The following NALCN variants were observed in gnomAD, a reference collection of about 807,000 sequenced individuals.
The protein encoded by NALCN is sodium leak channel NALCN.
A neutral mutation model predicts 225.3 loss-of-function variants in NALCN; 111 were observed. The ratio of observed to expected loss-of-function variants is 0.49; its 90% CI spans 0.42 to 0.58. The LOEUF (loss-of-function observed/expected upper bound fraction) is 0.58. NALCN is among the 20% of genes least tolerant of loss of function. The pLI is 0.00. For missense variants in NALCN, 1,378 were observed against 2,202.4 expected, an observed-to-expected ratio of 0.63 and a Z score of 7.49; for synonymous variants, 764 against 769.0, an observed-to-expected ratio of 0.99 and a Z score of 0.11.
At chr13:101,320,488 T>C (rs564557581) in intron 7 of NALCN, among the ~76,000 whole-genome samples, 17 of 152,218 alleles carry the variant, frequency 1.1e-4, no homozygotes, top group Non-Finnish European at 2.5e-4. Context: ...TGCTCAATAA[T>C]ACTGCAAAGT....
chr13:101,376,889 TCTTAA>T, intron 5 of NALCN, 23 bp downstream of exon 5: 1 of 1,613,902 alleles, frequency 6.2e-7, no homozygotes, highest in Non-Finnish European at 8.5e-7. Flanking sequence ...AAACTTTTCC[TCTTAA>T]CTTATTGTAA....
At chr13:101,272,653 T>C (rs2042835683) in intron 10 of NALCN, among the ~76,000 whole-genome samples, 1 of 152,166 alleles carries the variant, frequency 6.6e-6, no homozygotes, top group African/African-American at 2.4e-5. Context: ...AGATTGAATT[T>C]GGAGAGGACA....
rs2039545226 is a variant in NALCN, at chr13:101,188,600, A to G, written c.1764+3317T>C. ...TATATATACATATATACACACACAT[A>G]TATATACATATATACACACATATAT... On this transcript the variant is annotated intron_variant, in intron 14 of 43. Transcript: ENST00000251127. 2.6e-5 allele frequency among the ~76,000 whole-genome samples: 4 copies of G among 151,146 alleles called. No individual in the cohort carries two copies. In the South Asian group the frequency reaches 8.3e-4, roughly 31 times the overall value.
chr13:101,289,645 G>A (rs2043477923), intron 9 of NALCN, among the ~76,000 whole-genome samples: 1 of 151,892 alleles, frequency 6.6e-6, no homozygotes. Flanking sequence ...CCTTTGATGA[G>A]AATAGCCTAT....
At chr13:101,404,961 T>C (rs1207787174) in intron 1 of NALCN, among the ~76,000 whole-genome samples, 1 of 152,218 alleles carries the variant, frequency 6.6e-6, no homozygotes, top group Non-Finnish European at 1.5e-5. Flanking sequence ...AGAAAGGCAT[T>C]ACCCCATATT....
intron 13 of NALCN, among the ~76,000 whole-genome samples, chr13:101,210,628 C>T (rs2040489399): frequency 6.6e-6 from 1 of 152,088 alleles, no homozygotes; most frequent in African/African-American, 2.4e-5. Flanking sequence ...ACTTTCTATA[C>T]AACACAGAAA....
At chr13:101,284,894 A>G (rs1239127852) in intron 9 of NALCN, among the ~76,000 whole-genome samples, 1 of 152,070 alleles carries the variant, frequency 6.6e-6, no homozygotes, top group East Asian at 1.9e-4. Flanking sequence ...TCCCACTAAC[A>G]TATTTTTCTT....
Position 101,065,886 on chromosome 13 carries a change from C to G in NALCN, c.4447-325G>C, listed in dbSNP as rs651552. Among the ~76,000 whole-genome samples the G allele has an allele frequency of 0.047, 7,148 of 152,178 alleles. 529 individuals are homozygous for G. Among genetic ancestry groups the G allele is most frequent in the African/African-American group, 0.16 (6,644 of 41,466 alleles). On this transcript the variant is annotated intron_variant, in intron 39 of 43. Transcript: ENST00000251127. ...TCTCACCAGGCTGATGCTTGCATAG[C>G]CTGTCCCACAGACGCCACCTCCAAC... is the stretch of plus-strand genomic sequence containing the variant.
intron 13 of NALCN, among the ~76,000 whole-genome samples, chr13:101,207,309 GAC>G (rs2040351226): frequency 6.6e-6 from 1 of 152,084 alleles, no homozygotes; most frequent in South Asian, 2.1e-4. Context: ...TTGTCCATTT[GAC>G]ATTTTCTTAC....
rs774374966 is a variant in NALCN at position 101,111,190 on chromosome 13, A to G, written c.2229T>C (p.Phe743=). 2.2e-5 allele frequency: 35 copies of G among 1,608,210 alleles called. No individual in the cohort carries two copies. Among genetic ancestry groups the G allele is most frequent in the Non-Finnish European group, 3.0e-5 (35 of 1,175,896 alleles). Residue 743 remains phenylalanine, a synonymous_variant, in exon 19 of 44, where the codon TTT becomes TTC. Transcript: ENST00000251127. ...ACCTCTCCTTTGCGGGCTGCCCCTC[A>G]AATGATCCGCTCAGCATGCGCTGTC... ...CTRQRMLSGS[F]EGQPAKERSI... is the part of the protein sequence containing the mutation.
Position 101,399,181 on chromosome 13 carries a change from G to C in NALCN, c.-39-16C>G. 1 of 1,600,948 alleles carries C rather than the reference G, an allele frequency of 6.2e-7. No individual in the cohort carries two copies. Among genetic ancestry groups the C allele is most frequent in the Non-Finnish European group, 8.5e-7 (1 of 1,171,258 alleles). On this transcript the variant is annotated splice_polypyrimidine_tract_variant and intron_variant, in intron 1 of 43. Coordinates refer to ENST00000251127, the MANE Select transcript of NALCN (RefSeq NM_052867.4). ...AAACCACAGTCTGGGAAAAGGAAAA[G>C]TTGTATTTGTCATCTAAACCATCTT...
intron 7 of NALCN, among the ~76,000 whole-genome samples, chr13:101,316,598 T>C (rs1449329866): frequency 6.6e-6 from 1 of 152,238 alleles, no homozygotes; most frequent in Non-Finnish European, 1.5e-5. Context: ...AAACATCAAA[T>C]TTTTCTTGGA....
intron 11 of NALCN, among the ~76,000 whole-genome samples, chr13:101,254,926 T>C (rs1048729018): frequency 1.6e-4 from 24 of 147,018 alleles, no homozygotes; most frequent in African/African-American, 5.2e-4. Context: ...ATGAATGACA[T>C]GTTAAAAGCT....
chr13:101,196,933 AGCTTCT>A (rs1555310104), intron 13 of NALCN, among the ~76,000 whole-genome samples: 1 of 152,070 alleles, frequency 6.6e-6, no homozygotes, highest in Non-Finnish European at 1.5e-5. Flanking sequence ...GTACTCTTGA[AGCTTCT>A]GTTTTTGTCT....
intron 1 of NALCN, among the ~76,000 whole-genome samples, chr13:101,400,599 A>G (rs1594786787): frequency 6.7e-6 from 1 of 149,950 alleles, no homozygotes; most frequent in African/African-American, 2.5e-5. Flanking sequence ...GTGCGCGCGC[A>G]CACAGATGCA....
In NALCN at chr13:101,083,170, A is replaced by T. The variant is rs764038479; in HGVS notation, c.3612T>A (p.Tyr1204Ter). 1.2e-6 allele frequency: 2 copies of T among 1,614,126 alleles called. No individual in the cohort carries two copies. The highest frequency in any genetic ancestry group is 3.3e-5 in the Admixed American group (2 of 60,020). The change falls in exon 32 of 44, where the codon TAT (tyrosine) becomes TAA (stop). Residue 1204 changes from tyrosine (Y) to a stop codon, truncating the protein, a stop_gained. Coordinates refer to ENST00000251127, the MANE Select transcript of NALCN (RefSeq NM_052867.4). LOFTEE classifies it high-confidence loss of function. ...PDNDGFRAKM[Y>*]DITQHPFFKR... is the part of the protein sequence containing the mutation. ...TAAAAAATGGATGCTGGGTTATGTC[A>T]TACATTTTAGCTCTAAAACCATCAT...
intron 1 of NALCN, among the ~76,000 whole-genome samples, chr13:101,402,275 A>T (rs1312478148): frequency 6.6e-6 from 1 of 152,182 alleles, no homozygotes; most frequent in Non-Finnish European, 1.5e-5. Context: ...TAAATAGTTC[A>T]ATATCGGGAG....
intron 28 of NALCN, 131 bp downstream of exon 28, chr13:101,095,443 C>T (rs1441277863): frequency 7.3e-6 from 5 of 685,280 alleles, no homozygotes; most frequent in Non-Finnish European, 1.2e-5. Context: ...AGCGCTTCGC[C>T]CTGTATGACT....
intron 6 of NALCN, chr13:101,368,879 G>A (rs368898461): frequency 6.2e-5 from 12 of 194,086 alleles, no homozygotes; most frequent in East Asian, 5.1e-4. Flanking sequence ...GGTGGCACAC[G>A]CCTGTAGTCC....
Sources: allele counts gnomAD v4.1 joint callset (sites outside exome capture counted in the v4.1 genomes callset), GRCh38; gene constraint gnomAD v4.1.1; transcripts MANE v1.5; gene names NCBI Gene and HGNC (gene_info 2026-07-23, HGNC 2026-07-21).